ADAMTS9: variants seen among roughly 807,000 people sequenced by gnomAD.
The protein encoded by ADAMTS9 is A disintegrin and metalloproteinase with thrombospondin motifs 9.
In ADAMTS9, 107 loss-of-function variants were observed where a neutral mutation model predicts 257.1. The observed-to-expected ratio is 0.42, with a 90% CI of 0.36 to 0.49. The LOEUF (loss-of-function observed/expected upper bound fraction) is 0.49. Among genes scored for constraint, ADAMTS9 ranks in the 20% least tolerant of loss-of-function variants. The pLI, the probability that ADAMTS9 is intolerant of heterozygous loss-of-function variation, is 0.03. For synonymous variants in ADAMTS9, 982 were observed against 880.9 expected (o/e 1.11, Z -2.03); for missense variants, 2,353 against 2,469.1 (o/e 0.95, Z 1.00).
chr3:64,612,561 A>G (rs991367482), intron 22 of ADAMTS9, among the ~76,000 whole-genome samples: 1 of 152,186 alleles, frequency 6.6e-6, no homozygotes, highest in Non-Finnish European at 1.5e-5. Context: ...ATGAAGATAG[A>G]GGCTAAAAGA....
chr3:64,604,600 A>G (rs1404603713), intron 23 of ADAMTS9, among the ~76,000 whole-genome samples: 3 of 152,148 alleles, frequency 2.0e-5, no homozygotes, highest in Non-Finnish European at 4.4e-5. Flanking sequence ...CGTTTGTGTA[A>G]AAAGAGAAAA....
chr3:64,561,379 G>A, intron 30 of ADAMTS9, 199 bp downstream of exon 30: 1 of 426,724 alleles, frequency 2.3e-6, no homozygotes, highest in Non-Finnish European at 4.0e-6. Context: ...ACAGACAGAC[G>A]TAGGAATTGC....
At chr3:64,534,783 G>C (rs200812357) in intron 37 of ADAMTS9, among the ~76,000 whole-genome samples, 1 of 146,636 alleles carries the variant, frequency 6.8e-6, no homozygotes, top group Non-Finnish European at 1.5e-5. Context: ...CTGTGGGGGG[G>C]CAGGGAATGG....
intron 28 of ADAMTS9, 124 bp from the exon 29 acceptor site, chr3:64,568,659 C>G: frequency 8.6e-7 from 1 of 1,159,630 alleles, no homozygotes; most frequent in East Asian, 2.5e-5. Flanking sequence ...TCTTTTACAG[C>G]GCCAGTTTGG....
chr3:64,610,025 C>G (rs2084636558), intron 22 of ADAMTS9, among the ~76,000 whole-genome samples: 1 of 152,148 alleles, frequency 6.6e-6, no homozygotes, highest in South Asian at 2.1e-4. Flanking sequence ...GAGAGAACAG[C>G]CTCTTCAGCA....
chr3:64,625,644 C>T (rs1040328002), intron 16 of ADAMTS9, among the ~76,000 whole-genome samples: 2 of 152,168 alleles, frequency 1.3e-5, no homozygotes, highest in African/African-American at 4.8e-5. Context: ...TTCTCACCCA[C>T]ATAAACAACA....
At chr3:64,644,633 C>G (rs1455018025) in intron 11 of ADAMTS9, among the ~76,000 whole-genome samples, 1 of 152,210 alleles carries the variant, frequency 6.6e-6, no homozygotes, top group East Asian at 1.9e-4. Context: ...TGGCTTCATT[C>G]TGCGGGGAAG....
chr3:64,661,005 A>G lies in ADAMTS9; in HGVS notation c.680-2214T>C, dbSNP rs539302347. ...GGAAAGGCATTAAATTTGTGGTTGG[A>G]AGACAGGAACAGAAACTTTCTGGCT... On this transcript the variant is annotated intron_variant, in intron 3 of 39. Coordinates refer to ENST00000498707, the MANE Select transcript of ADAMTS9 (RefSeq NM_182920.2). 2.6e-4 allele frequency among the ~76,000 whole-genome samples: 39 copies of G among 152,288 alleles called. No homozygotes were observed. In the East Asian group the frequency reaches 7.2e-3, roughly 28 times the overall value.
intron 28 of ADAMTS9, among the ~76,000 whole-genome samples, chr3:64,586,492 T>C (rs1272069393): frequency 6.6e-6 from 1 of 152,110 alleles, no homozygotes; most frequent in African/African-American, 2.4e-5. Flanking sequence ...GTGAGCATAG[T>C]AGATTAATCA....
chr3:64,683,760 C>A (rs1701819128), intron 2 of ADAMTS9, among the ~76,000 whole-genome samples: 1 of 152,082 alleles, frequency 6.6e-6, no homozygotes, highest in African/African-American at 2.4e-5. Flanking sequence ...TAAGTATATA[C>A]AACATACAAA....
At chr3:64,647,229 A>G (rs576371501) in intron 11 of ADAMTS9, among the ~76,000 whole-genome samples, 10 of 152,284 alleles carry the variant, frequency 6.6e-5, no homozygotes, top group African/African-American at 2.4e-4. Flanking sequence ...ATTTATATCT[A>G]AAACTTTTTG....
chr3:64,541,249 T>A, intron 35 of ADAMTS9, 21 bp from the exon 36 acceptor site: 2 of 1,614,170 alleles, frequency 1.2e-6, no homozygotes, highest in East Asian at 2.2e-5. Context: ...CAGAGAATGT[T>A]CTGGTAAGGA....
chr3:64,607,075 C>G lies in ADAMTS9; in HGVS notation c.3359G>C (p.Ser1120Thr), dbSNP rs564249411. 14 of 1,613,722 alleles carry G rather than the reference C, an allele frequency of 8.7e-6. No individual in the cohort carries two copies. The highest frequency in any genetic ancestry group is 1.3e-5 in the African/African-American group (1 of 75,046). Residue 1120 changes from serine (S) to threonine (T), a missense_variant, in exon 23 of 40, where the codon AGT (serine) becomes ACT (threonine). Physicochemically the swap from Ser to Thr is moderately conservative, Grantham distance 58. Transcript: ENST00000498707. The part of the protein sequence containing the change: ...SWQAGPWGQC[S>T]VTCGQGYQLR... ...CTGGTATCCCTGTCCACAAGTGACA[C>G]TGCACTGGAAGAAGGAGGACAAAAG...
At position 64,675,899 on chromosome 3, in the gene ADAMTS9, A is replaced by G. The variant is rs566911187; in HGVS notation, c.679+5302T>C. Among the ~76,000 whole-genome samples the G allele has an allele frequency of 9.8e-5, 15 of 152,320 alleles. No homozygotes were observed. In the South Asian group the frequency reaches 3.1e-3, roughly 32 times the overall value. On this transcript the variant is annotated intron_variant, in intron 3 of 39. Transcript: ENST00000498707. The stretch of plus-strand genomic sequence containing the variant: ...TGTAGCATAGTGATCCCATATGCAC[A>G]TAAGAGCCTAACAGATGATGGCTTT...
chr3:64,642,466 A>G (rs544887436), intron 11 of ADAMTS9, among the ~76,000 whole-genome samples: 1 of 147,328 alleles, frequency 6.8e-6, no homozygotes, highest in Non-Finnish European at 1.5e-5. Flanking sequence ...AGCGAGTTAC[A>G]TGATTCTTAT....
rs201804556 is a variant in ADAMTS9, at chr3:64,604,302, G to C, written c.3504C>G (p.Pro1168=). 79 of 1,612,792 alleles carry C rather than the reference G, an allele frequency of 4.9e-5. No homozygotes were observed. In the Middle Eastern group the frequency reaches 1.3e-3, roughly 27 times the overall value. Residue 1168 remains proline, a synonymous_variant, in exon 24 of 40, where the codon CCC becomes CCG. Coordinates refer to ENST00000498707, the MANE Select transcript of ADAMTS9 (RefSeq NM_182920.2). The part of the protein sequence containing the change: ...QDCELPSCHP[P]PAAPETRRST... ...TTCTCCTCGTTTCCGGGGCAGCTGG[G>C]GGAGGATGACATGATGGTAATTCAC...
rs2083207435 is a variant in ADAMTS9, at chr3:64,546,893, G to A, written c.4929C>T (p.Tyr1643=). ...TGTATTCATAATTCTCCTTCCCGGT[G>A]TAAATCTCGCTGCACGAGACAAGCC... ...KQRLVSCSEI[Y]TGKENYEYSY... is the part of the protein sequence containing the mutation. The change falls in exon 32 of 40, where the codon TAC becomes TAT. Residue 1643 remains tyrosine, a synonymous_variant. Coordinates refer to ENST00000498707, the MANE Select transcript of ADAMTS9 (RefSeq NM_182920.2). 6.2e-7 allele frequency: 1 copy of A among 1,614,078 alleles called. No homozygotes were observed. The highest frequency in any genetic ancestry group is 2.2e-5 in the East Asian group (1 of 44,872).
At chr3:64,526,146 T>C (rs989378739) in intron 38 of ADAMTS9, among the ~76,000 whole-genome samples, 2 of 144,722 alleles carry the variant, frequency 1.4e-5, no homozygotes, top group African/African-American at 4.9e-5. Flanking sequence ...ACAATAATTG[T>C]ATATTTCAAA....
At chr3:64,658,060 T>C (rs954376581) in intron 4 of ADAMTS9, among the ~76,000 whole-genome samples, 1 of 152,150 alleles carries the variant, frequency 6.6e-6, no homozygotes, top group Non-Finnish European at 1.5e-5. Flanking sequence ...TATCCACAAC[T>C]GGCTGTACAA....
Sources: allele counts gnomAD v4.1 joint callset (sites outside exome capture counted in the v4.1 genomes callset), GRCh38; gene constraint gnomAD v4.1.1; transcripts MANE v1.5; gene names NCBI Gene and HGNC (gene_info 2026-07-23, HGNC 2026-07-21).